Variants in SVOPL observed in about 807,000 individuals in gnomAD.
SVOPL encodes SVOP like, also known as putative transporter SVOPL.
In SVOPL, 60 loss-of-function variants were observed where a neutral mutation model predicts 61.0. The observed-to-expected ratio is 0.98, with a 90% CI of 0.80 to 1.22. SVOPL has a LOEUF of 1.22. Ranked by LOEUF, SVOPL falls within the 50% of genes most tolerant of loss-of-function variation. The pLI is 0.00. For missense variants in SVOPL, 662 were observed against 643.9 expected, an observed-to-expected ratio of 1.03 and a Z score of -0.30; for synonymous variants, 279 against 250.0, an observed-to-expected ratio of 1.12 and a Z score of -1.09.
In SVOPL at chr7:138,621,059, G is replaced by T; in HGVS notation, c.1340C>A (p.Pro447Gln). The T allele has an allele frequency of 6.2e-7, 1 of 1,613,538 alleles. No individual in the cohort carries two copies. Among genetic ancestry groups the T allele is most frequent in the Middle Eastern group, 1.7e-4 (1 of 6,058 alleles). The change falls in exon 14 of 16, where the codon CCA becomes CAA. Residue 447 changes from proline to glutamine, a missense_variant. Transcript: ENST00000674285. ...CCTTGGCTGTACCTGGGATATAAAT[G>T]GTGCCACCATTGCACCAATGCGACA... Reference protein sequence around the residue: ...SLCRIGAMVAPFISQVLMSAS... With the variant: ...SLCRIGAMVAQFISQVLMSAS...
At position 138,666,863 on chromosome 7, in the gene SVOPL, T is replaced by G. The variant is rs114668783; in HGVS notation, c.274-3718A>C. Among the ~76,000 whole-genome samples the G allele has an allele frequency of 1.5e-3, 235 of 152,282 alleles. 2 individuals are homozygous for G. The highest frequency in any genetic ancestry group is 5.5e-3 in the African/African-American group (227 of 41,556). ...GCTTTGCCCCCAAACCTGCCAAATA[T>G]GTATGATGCCAGCCTTGTGAAACAT... is the stretch of plus-strand genomic sequence containing the variant. On this transcript the variant is annotated intron_variant, in intron 4 of 15. Transcript: ENST00000674285.
intron 14 of SVOPL, among the ~76,000 whole-genome samples, chr7:138,599,869 T>C (rs1430561223): frequency 1.5e-5 from 2 of 133,670 alleles, no homozygotes; most frequent in African/African-American, 5.8e-5. Flanking sequence ...GCCTGGACGA[T>C]GGAGCGAGAC....
At position 138,629,475 on chromosome 7, in the gene SVOPL, C is replaced by T. The variant is rs542238328; in HGVS notation, c.863+574G>A. On this transcript the variant is annotated intron_variant, in intron 10 of 15. Coordinates refer to ENST00000674285, the MANE Select transcript of SVOPL (RefSeq NM_001139456.2). ...CTCGAACTCCTGACCTCAGGTGATCCGCCTGTCTCGGCCTCCCAAAGTGCT... is the reference window on the plus strand; with the variant it reads ...CTCGAACTCCTGACCTCAGGTGATCTGCCTGTCTCGGCCTCCCAAAGTGCT... 8.9e-4 allele frequency among the ~76,000 whole-genome samples: 136 copies of T among 152,180 alleles called. 5 individuals are homozygous for T. The South Asian group carries it at 0.028, about 31-fold the overall frequency.
chr7:138,644,726 C>G lies in SVOPL; in HGVS notation c.780G>C (p.Glu260Asp). 1 of 1,614,108 alleles carries G rather than the reference C, an allele frequency of 6.2e-7. No homozygotes were observed. The highest frequency in any genetic ancestry group is 8.5e-7 in the Non-Finnish European group (1 of 1,180,000). Residue 260 changes from glutamate to aspartate, a missense_variant, in exon 9 of 16, where the codon GAG becomes GAC. Transcript: ENST00000674285. ...GGGGGCCAGCACTCACCAGGACGGG[C>G]TCCACCAGCTTCCCCTCCGGCATGA... Reference protein sequence around the residue: ...RSVMPEGKLVEPVLEKRGRFA... With the variant: ...RSVMPEGKLVDPVLEKRGRFA...
intron 7 of SVOPL, among the ~76,000 whole-genome samples, chr7:138,652,385 CTG>C (rs1372296636): frequency 3.3e-5 from 5 of 151,870 alleles, no homozygotes; most frequent in Non-Finnish European, 7.4e-5. Context: ...TGGGGCCTCA[CTG>C]TGTTATCTAG....
At chr7:138,676,712 T>C (rs1004113704) in intron 3 of SVOPL, among the ~76,000 whole-genome samples, 1 of 152,198 alleles carries the variant, frequency 6.6e-6, no homozygotes, top group Non-Finnish European at 1.5e-5. Context: ...TTGAGAGCCA[T>C]GTGTTCGAAT....
intron 14 of SVOPL, among the ~76,000 whole-genome samples, chr7:138,600,313 C>T (rs533612942): frequency 6.6e-6 from 1 of 152,194 alleles, no homozygotes; most frequent in African/African-American, 2.4e-5. Flanking sequence ...ACTTGCTATC[C>T]CTGGCCAGGC....
chr7:138,671,985 T>TG (rs202122915), intron 4 of SVOPL, 34 bp downstream of exon 4: 1,543,694 of 1,543,718 alleles, frequency 1, 771,835 homozygotes, highest in Middle Eastern at 1. Context: ...CGCCCTCAGT[T>TG]GCTGTGTTCA....
intron 11 of SVOPL, 58 bp downstream of exon 11, chr7:138,628,100 C>G: frequency 3.8e-6 from 6 of 1,594,378 alleles, no homozygotes; most frequent in Non-Finnish European, 5.2e-6. Context: ...TCAGCTAAGA[C>G]TCAAGTGCAC....
At chr7:138,661,523 T>C in intron 5 of SVOPL, 1 of 985,346 alleles carries the variant, frequency 1.0e-6, no homozygotes, top group Non-Finnish European at 1.2e-6. Flanking sequence ...TATTTCATTT[T>C]GTTTTTCTTA....
chr7:138,672,428 T>A (rs1214738046), intron 3 of SVOPL, among the ~76,000 whole-genome samples: 1 of 152,138 alleles, frequency 6.6e-6, no homozygotes, highest in African/African-American at 2.4e-5. Flanking sequence ...TGAAGGCCAC[T>A]CCCATAGCTA....
chr7:138,637,491 GATATATATATATATAT>G (rs1201179833), intron 9 of SVOPL, among the ~76,000 whole-genome samples: 1 of 15,598 alleles, frequency 6.4e-5, no homozygotes, highest in South Asian at 2.2e-3. Context: ...GATATAGATA[GATATATATATATATAT>G]ATAGATAGAT....
At position 138,620,117 on chromosome 7, in the gene SVOPL, C is replaced by CTTTTTT. The variant is rs1563093865; in HGVS notation, c.1353+928_1353+929insAAAAAA. Reference sequence around the variant, plus strand: ...TTTTTTTTTCTTTTTTGTTTTTTTTCTGTTTTGTTTTTTTTTTTTTTTTGA... The same window carrying CTTTTTT: ...TTTTTTTTTCTTTTTTGTTTTTTTTCTTTTTTTGTTTTGTTTTTTTTTTTTTTTTGA... On this transcript the variant is annotated intron_variant, in intron 14 of 15. Coordinates refer to ENST00000674285, the MANE Select transcript of SVOPL (RefSeq NM_001139456.2). 1.1e-4 allele frequency among the ~76,000 whole-genome samples: 13 copies of CTTTTTT among 120,838 alleles called. 1 individual carries two copies. The highest frequency in any genetic ancestry group is 2.7e-4 in the South Asian group (1 of 3,730). 79.3% of individuals were successfully genotyped at this position (120,838 alleles called of 152,430 possible). A position where few individuals can be genotyped will look rare whatever the true frequency, so the allele number is the denominator to read the frequency against.
intron 9 of SVOPL, among the ~76,000 whole-genome samples, chr7:138,631,887 T>G (rs1343883206): frequency 2.0e-5 from 3 of 151,052 alleles, no homozygotes; most frequent in Non-Finnish European, 2.9e-5. Flanking sequence ...CTCCTTTTAG[T>G]GTTCAATTTA....
intron 4 of SVOPL, among the ~76,000 whole-genome samples, chr7:138,669,118 T>A (rs896066446): frequency 1.3e-5 from 2 of 152,222 alleles, no homozygotes; most frequent in Non-Finnish European, 2.9e-5. Context: ...AAGGGCTCTC[T>A]GCAGTTTCCT....
intron 1 of SVOPL, among the ~76,000 whole-genome samples, chr7:138,696,224 T>G (rs1453361981): frequency 6.6e-6 from 1 of 152,028 alleles, no homozygotes; most frequent in Non-Finnish European, 1.5e-5. Flanking sequence ...AGGTCTGTTT[T>G]TTTTCTTTTT....
chr7:138,606,883 G>A (rs1269421217), intron 14 of SVOPL, among the ~76,000 whole-genome samples: 1 of 152,106 alleles, frequency 6.6e-6, no homozygotes, highest in Non-Finnish European at 1.5e-5. Flanking sequence ...GAACCCAGGA[G>A]GCAGAGGTTG....
intron 14 of SVOPL, among the ~76,000 whole-genome samples, chr7:138,607,076 G>T (rs1584773451): frequency 6.6e-6 from 1 of 151,352 alleles, no homozygotes; most frequent in Admixed American, 6.6e-5. Flanking sequence ...TGAAGGAAAA[G>T]CTCAAGGTGC....
rs58372563 is a variant in SVOPL, at chr7:138,599,167, A to AAAAAAAAAAC, written c.1354-2638_1354-2637insGTTTTTTTTT. Among the ~76,000 whole-genome samples, 56 of 121,746 alleles carry AAAAAAAAAAC rather than the reference A, an allele frequency of 4.6e-4. 1 individual carries two copies. Among genetic ancestry groups the AAAAAAAAAAC allele is most frequent in the African/African-American group, 6.0e-4 (19 of 31,540 alleles). The allele number at this position is 121,746 out of a possible 152,430, so 79.9% of individuals were successfully genotyped here. ...AAAAAAAAAAAAAAAACCAAAAAAA[A>AAAAAAAAAAC]AAGAAATACAGAAATGTCAAAAGAC... is the stretch of plus-strand genomic sequence containing the variant. On this transcript the variant is annotated intron_variant, in intron 14 of 15. Transcript: ENST00000674285.
Sources: allele counts gnomAD v4.1 joint callset (sites outside exome capture counted in the v4.1 genomes callset), GRCh38; gene constraint gnomAD v4.1.1; transcripts MANE v1.5; gene names NCBI Gene and HGNC (gene_info 2026-07-23, HGNC 2026-07-21).